STYXL1: variants seen among roughly 807,000 people sequenced by gnomAD.
STYXL1 encodes the protein serine/threonine/tyrosine interacting like 1.
Under a neutral mutation model 36.4 loss-of-function variants are expected in STYXL1, and 32 were observed. The observed-to-expected ratio is 0.88, with a 90% CI of 0.66 to 1.18. STYXL1 has a LOEUF of 1.18. Among genes scored for constraint, STYXL1 ranks in the 50% most tolerant of loss-of-function variants. STYXL1 has a pLI of 0.00. For synonymous variants in STYXL1, 133 were observed against 144.1 expected (o/e 0.92, Z 0.55); for missense variants, 354 against 394.1 (o/e 0.90, Z 0.86).
intron 1 of STYXL1, among the ~76,000 whole-genome samples, chr7:76,035,766 G>A (rs1417292184): frequency 6.7e-6 from 1 of 149,682 alleles, no homozygotes; most frequent in African/African-American, 2.4e-5. Context: ...CCCATCCTCA[G>A]CTACTACCTA....
At chr7:76,008,187 A>G (rs989408990) in intron 5 of STYXL1, among the ~76,000 whole-genome samples, 1 of 134,420 alleles carries the variant, frequency 7.4e-6, no homozygotes, top group African/African-American at 2.8e-5. Context: ...CAACAAGAGC[A>G]AAACTCCATC....
intron 4 of STYXL1, among the ~76,000 whole-genome samples, chr7:76,017,252 A>C (rs1793485538): frequency 6.6e-6 from 1 of 151,934 alleles, no homozygotes; most frequent in Non-Finnish European, 1.5e-5. Context: ...CAAACTGCTG[A>C]CCTCAAGTGA....
intron 7 of STYXL1, 25 bp from the exon 8 acceptor site, chr7:76,001,027 G>A: frequency 1.9e-6 from 3 of 1,583,308 alleles, no homozygotes; most frequent in Non-Finnish European, 1.7e-6. Context: ...GGGGGGTTGG[G>A]TCATGCCTGG....
At chr7:76,039,310 A>C (rs1554581590) in intron 1 of STYXL1, among the ~76,000 whole-genome samples, 1 of 139,036 alleles carries the variant, frequency 7.2e-6, no homozygotes, top group African/African-American at 3.4e-5. Flanking sequence ...TCCTGGGCTC[A>C]AGTGATCTTC....
chr7:76,042,390 C>CTTTTTCTTT (rs1796554576), intron 1 of STYXL1, among the ~76,000 whole-genome samples: 3 of 41,816 alleles, frequency 7.2e-5, no homozygotes, highest in Non-Finnish European at 1.1e-4. Flanking sequence ...CCCTTATGTG[C>CTTTTTCTTT]TTTTTTTTTT....
intron 3 of STYXL1, among the ~76,000 whole-genome samples, chr7:76,022,882 G>A (rs542097938): frequency 6.6e-6 from 1 of 152,150 alleles, no homozygotes; most frequent in African/African-American, 2.4e-5. Context: ...AGCTATGATT[G>A]CACCACTGCA....
At chr7:76,004,268 A>AT (rs1247828058) in intron 6 of STYXL1, among the ~76,000 whole-genome samples, 8 of 152,090 alleles carry the variant, frequency 5.3e-5, no homozygotes, top group African/African-American at 1.9e-4. Context: ...TAATGTTTAT[A>AT]TTTTTAGTAG....
chr7:76,007,921 G>A (rs1231665429), intron 5 of STYXL1, among the ~76,000 whole-genome samples: 16 of 149,242 alleles, frequency 1.1e-4, no homozygotes, highest in South Asian at 4.2e-4. Flanking sequence ...AAAAATAGCC[G>A]GGCACAGTGC....
At chr7:76,031,143 A>G (rs939626666) in intron 1 of STYXL1, among the ~76,000 whole-genome samples, 2 of 150,882 alleles carry the variant, frequency 1.3e-5, no homozygotes, top group Non-Finnish European at 2.9e-5. Context: ...CCTGGGTGAC[A>G]GAGCGAGACT....
At chr7:76,008,005 C>A (rs1165122782) in intron 5 of STYXL1, among the ~76,000 whole-genome samples, 1 of 151,428 alleles carries the variant, frequency 6.6e-6, no homozygotes, top group African/African-American at 2.4e-5. Context: ...TTGAGACCAG[C>A]CTGACCAACA....
chr7:76,010,304 C>T (rs1554571852), intron 5 of STYXL1, among the ~76,000 whole-genome samples: 1 of 152,126 alleles, frequency 6.6e-6, no homozygotes, highest in African/African-American at 2.4e-5. Flanking sequence ...CTGAAATTCA[C>T]AGTGCTGTTA....
chr7:76,035,978 T>C (rs1333045157), intron 1 of STYXL1, among the ~76,000 whole-genome samples: 7 of 149,876 alleles, frequency 4.7e-5, no homozygotes, highest in Admixed American at 2.0e-4. Context: ...CCTAACAGCA[T>C]GATTCCAAGA....
chr7:76,013,187 G>A (rs143916923), intron 5 of STYXL1, among the ~76,000 whole-genome samples: 374 of 152,056 alleles, frequency 2.5e-3, no homozygotes, highest in Middle Eastern at 0.017. Context: ...TTAGCCGGGC[G>A]TGCTGGTGGG....
At position 76,047,971 on chromosome 7, in the gene STYXL1, C is replaced by T. The variant is rs1232723586; in HGVS notation, c.-314G>A. 1 of 1,476,202 alleles carries T rather than the reference C, an allele frequency of 6.8e-7. No individual in the cohort carries two copies. The highest frequency in any genetic ancestry group is 1.4e-5 in the African/African-American group (1 of 71,550). The allele number at this position is 1,476,202 out of a possible 1,614,324, so 91.4% of individuals were successfully genotyped here. Reference sequence around the variant, plus strand: ...AAACACCGGGGTTGCCAGGATGGTCCCACAGCTTTCCTTTCCGACTCCCGG... The same window carrying T: ...AAACACCGGGGTTGCCAGGATGGTCTCACAGCTTTCCTTTCCGACTCCCGG... On this transcript the variant is annotated 5_prime_UTR_variant, in exon 1 of 9. Transcript: ENST00000359697.
chr7:76,015,071 A>AC (rs1256858536), intron 4 of STYXL1, among the ~76,000 whole-genome samples: 5 of 151,966 alleles, frequency 3.3e-5, no homozygotes, highest in Non-Finnish European at 7.4e-5. Context: ...ACATGGAAAG[A>AC]CCCCGCCTCC....
At chr7:76,001,792 ATTTTTTTTTT>A (rs71082373) in intron 7 of STYXL1, among the ~76,000 whole-genome samples, 1 of 96,924 alleles carries the variant, frequency 1.0e-5, no homozygotes, top group South Asian at 3.9e-4. Context: ...ACTGCGCCTG[ATTTTTTTTTT>A]TTTTTTTTTT....
At chr7:76,031,560 C>A (rs1292555134) in intron 1 of STYXL1, among the ~76,000 whole-genome samples, 1 of 150,942 alleles carries the variant, frequency 6.6e-6, no homozygotes, top group Non-Finnish European at 1.5e-5. Context: ...ACTAAAAATA[C>A]AAAAATTACC....
intron 5 of STYXL1, among the ~76,000 whole-genome samples, chr7:76,010,576 C>G (rs1372151686): frequency 6.6e-6 from 1 of 152,068 alleles, no homozygotes; most frequent in Non-Finnish European, 1.5e-5. Flanking sequence ...TGAGGCTGAG[C>G]TGGGTCCCGA....
In STYXL1 at chr7:76,030,408, T is replaced by TC. The variant is rs1563511449; in HGVS notation, c.103+12dup. 1.3e-6 allele frequency: 2 copies of TC among 1,598,546 alleles called. No homozygotes were observed. The highest frequency in any genetic ancestry group is 2.7e-5 in the African/African-American group (2 of 74,788). The stretch of plus-strand genomic sequence containing the variant: ...CTGTGTTTGACCTCCTCCGCTTTTT[T>TC]CCAAGTACTTACCCAATAAACAGAG... On this transcript the variant is annotated intron_variant, in intron 2 of 8. Coordinates refer to ENST00000359697, the MANE Select transcript of STYXL1 (RefSeq NM_001317785.2).
Sources: allele counts gnomAD v4.1 joint callset (sites outside exome capture counted in the v4.1 genomes callset), GRCh38; gene constraint gnomAD v4.1.1; transcripts MANE v1.5; gene names NCBI Gene and HGNC (gene_info 2026-07-23, HGNC 2026-07-21).